MARK1: variants seen among roughly 807,000 people sequenced by gnomAD.
MARK1 encodes serine/threonine-protein kinase MARK1.
A neutral mutation model predicts 96.3 loss-of-function variants in MARK1; 40 were observed. The ratio of observed to expected loss-of-function variants is 0.42; its 90% CI spans 0.32 to 0.54. The LOEUF (loss-of-function observed/expected upper bound fraction) is 0.54, where lower values mean the gene tolerates loss of function less well. Among genes scored for constraint, MARK1 ranks in the 20% least tolerant of loss-of-function variants. The pLI, the probability that MARK1 is intolerant of heterozygous loss-of-function variation, is 0.16. For missense variants in MARK1, 719 were observed against 984.6 expected (o/e 0.73, Z 3.61); for synonymous variants, 317 against 341.2 (o/e 0.93, Z 0.78).
At chr1:220,529,635 C>T (rs758432474) in intron 1 of MARK1, among the ~76,000 whole-genome samples, 20 of 152,136 alleles carry the variant, frequency 1.3e-4, no homozygotes, top group Non-Finnish European at 2.5e-4. Flanking sequence ...ACAAGGTGCA[C>T]ATCTTTAAAG....
intron 1 of MARK1, among the ~76,000 whole-genome samples, chr1:220,534,845 A>G (rs1420962055): frequency 6.6e-6 from 1 of 152,168 alleles, no homozygotes; most frequent in African/African-American, 2.4e-5. Context: ...GTTATAGCAT[A>G]TGACAGGATT....
At chr1:220,584,847 C>T (rs1664485251) in intron 3 of MARK1, among the ~76,000 whole-genome samples, 1 of 152,138 alleles carries the variant, frequency 6.6e-6, no homozygotes, top group Admixed American at 6.5e-5. Context: ...CACTATTGGA[C>T]ATATATTGAA....
Position 220,548,838 on chromosome 1 carries a change from TTTG to T in MARK1, c.51+19968_51+19970del, listed in dbSNP as rs141986332. Among the ~76,000 whole-genome samples, 439 of 152,336 alleles carry T rather than the reference TTTG, an allele frequency of 2.9e-3. 15 individuals are homozygous for T. The East Asian group carries it at 0.073, about 25-fold the overall frequency. On this transcript the variant is annotated intron_variant, in intron 1 of 17. Coordinates refer to ENST00000366917, the MANE Select transcript of MARK1 (RefSeq NM_018650.5). Reference sequence around the variant, plus strand: ...TCTGGCATGAGTTTGCTGTAACGTTTTTGTTCTTGTGAGAGTGAAAGAACTAGG... The same window carrying T: ...TCTGGCATGAGTTTGCTGTAACGTTTTTCTTGTGAGAGTGAAAGAACTAGG...
At chr1:220,550,572 C>T (rs763765531) in intron 1 of MARK1, among the ~76,000 whole-genome samples, 23 of 152,182 alleles carry the variant, frequency 1.5e-4, no homozygotes, top group Non-Finnish European at 1.9e-4. Flanking sequence ...AGGCTGGTAT[C>T]AAACTCCTGG....
chr1:220,582,600 A>G (rs1392541474), intron 3 of MARK1, among the ~76,000 whole-genome samples: 2 of 152,168 alleles, frequency 1.3e-5, no homozygotes, highest in Non-Finnish European at 1.5e-5. Flanking sequence ...TTTAAGTGGC[A>G]TCTAGAACTA....
chr1:220,619,043 T>G (rs1023014316), intron 9 of MARK1, among the ~76,000 whole-genome samples: 1 of 152,230 alleles, frequency 6.6e-6, no homozygotes, highest in Non-Finnish European at 1.5e-5. Flanking sequence ...ACGTAGCTGC[T>G]GTCAGAAATT....
chr1:220,652,272 TGGA>T, intron 15 of MARK1, 122 bp downstream of exon 15: 1 of 716,710 alleles, frequency 1.4e-6, no homozygotes, highest in Non-Finnish European at 2.1e-6. Flanking sequence ...GTGTTTGTTA[TGGA>T]GGAAAAATTG....
At chr1:220,587,863 G>A (rs578179725) in intron 3 of MARK1, among the ~76,000 whole-genome samples, 110 of 151,878 alleles carry the variant, frequency 7.2e-4, no homozygotes, top group African/African-American at 2.6e-3. Context: ...GACCATTATT[G>A]TGTATATCTT....
rs375698238 is a variant in MARK1, at chr1:220,662,207, T to C, written c.*41T>C. 6.2e-6 allele frequency: 9 copies of C among 1,458,122 alleles called. No homozygotes were observed. The East Asian group carries it at 1.1e-4, about 19-fold the overall frequency. The allele number at this position is 1,458,122 out of a possible 1,614,324, so 90.3% of individuals were successfully genotyped here. On this transcript the variant is annotated 3_prime_UTR_variant, in exon 18 of 18. Transcript: ENST00000366917. The stretch of plus-strand genomic sequence containing the variant: ...CAGGTTCAGGGAAGATACATACATA[T>C]ATGAGGTACAGTTTTTGAATGTACT...
intron 1 of MARK1, among the ~76,000 whole-genome samples, chr1:220,573,294 C>T (rs1054667621): frequency 2.0e-5 from 3 of 151,916 alleles, no homozygotes; most frequent in African/African-American, 7.3e-5. Context: ...GTGATATTGA[C>T]CCACCACAGA....
Position 220,528,893 on chromosome 1 carries a change from C to A in MARK1, c.51+20C>A, listed in dbSNP as rs759114288. On this transcript the variant is annotated intron_variant, in intron 1 of 17. Transcript: ENST00000366917. ...GAAAATGTGAGTAACCGGAGCCTCC[C>A]TCGGGAGCAGTGGGGGCGAGACCCT... The A allele has an allele frequency of 6.4e-7, 1 of 1,557,502 alleles. No homozygotes were observed. Among genetic ancestry groups the A allele is most frequent in the Non-Finnish European group, 8.7e-7 (1 of 1,150,586 alleles).
intron 17 of MARK1, among the ~76,000 whole-genome samples, chr1:220,659,954 A>G (rs1669384919): frequency 6.6e-6 from 1 of 152,074 alleles, no homozygotes; most frequent in Non-Finnish European, 1.5e-5. Context: ...CACCTGGCTA[A>G]TTTTTGTATT....
intron 1 of MARK1, among the ~76,000 whole-genome samples, chr1:220,557,182 C>A (rs1242875233): frequency 6.6e-6 from 1 of 151,978 alleles, no homozygotes; most frequent in Non-Finnish European, 1.5e-5. Context: ...TTCTCATCAG[C>A]AATAACAAAT....
At chr1:220,605,881 A>G (rs1040115392) in intron 6 of MARK1, among the ~76,000 whole-genome samples, 3 of 152,176 alleles carry the variant, frequency 2.0e-5, no homozygotes, top group Admixed American at 6.5e-5. Context: ...TCCATGGTGT[A>G]TATGTGCCAC....
At chr1:220,652,999 G>A in intron 15 of MARK1, 102 bp from the exon 16 acceptor site, 1 of 1,339,232 alleles carries the variant, frequency 7.5e-7, no homozygotes. Flanking sequence ...AATAAAGTAG[G>A]GCCAAAAGAA....
At chr1:220,613,479 G>A (rs1666569704) in intron 6 of MARK1, among the ~76,000 whole-genome samples, 1 of 152,228 alleles carries the variant, frequency 6.6e-6, no homozygotes, top group Non-Finnish European at 1.5e-5. Flanking sequence ...CATGGCCTCT[G>A]ATCATGTTTG....
chr1:220,640,721 C>T (rs757522193), intron 13 of MARK1, among the ~76,000 whole-genome samples: 14 of 152,110 alleles, frequency 9.2e-5, no homozygotes, highest in Admixed American at 3.3e-4. Context: ...TGCATCATCC[C>T]GTGGCATAAA....
chr1:220,598,849 C>A (rs146851358), intron 4 of MARK1, among the ~76,000 whole-genome samples: 1 of 151,818 alleles, frequency 6.6e-6, no homozygotes, highest in East Asian at 1.9e-4. Flanking sequence ...AGTGATGGTG[C>A]GCACCTGTAG....
intron 9 of MARK1, among the ~76,000 whole-genome samples, chr1:220,624,901 A>C (rs535915123): frequency 4.6e-5 from 7 of 152,360 alleles, no homozygotes; most frequent in Non-Finnish European, 1.0e-4. Context: ...CTTGTATTCC[A>C]TCCATTCCCT....
Sources: gnomAD v4.1 joint callset for allele counts (sites outside exome capture counted in the v4.1 genomes callset) on GRCh38, gnomAD v4.1.1 for gene constraint, MANE v1.5 for transcripts, NCBI Gene and HGNC (gene_info 2026-07-23, HGNC 2026-07-21) for gene names.